Variants in PDCD6IP observed in about 807,000 individuals in gnomAD.
PDCD6IP encodes the protein programmed cell death 6-interacting protein.
A neutral mutation model predicts 103.7 loss-of-function variants in PDCD6IP; 43 were observed. That is an observed-to-expected ratio of 0.41 (90% CI 0.32 to 0.53). The LOEUF is 0.53. PDCD6IP is among the 20% of genes least tolerant of loss of function. The pLI is 0.16. For synonymous variants in PDCD6IP, 354 were observed against 378.7 expected, an observed-to-expected ratio of 0.93 and a Z score of 0.76; for missense variants, 871 against 1,036.7, an observed-to-expected ratio of 0.84 and a Z score of 2.20.
chr3:33,831,814 G>C (rs78975232), intron 7 of PDCD6IP, among the ~76,000 whole-genome samples: 1 of 151,874 alleles, frequency 6.6e-6, no homozygotes, highest in African/African-American at 2.4e-5. Context: ...TCTTACTGAA[G>C]TGGTAGTATG....
At chr3:33,845,824 A>T (rs1481856809) in intron 12 of PDCD6IP, among the ~76,000 whole-genome samples, 1 of 152,222 alleles carries the variant, frequency 6.6e-6, no homozygotes, top group Non-Finnish European at 1.5e-5. Flanking sequence ...TAAATTTTAG[A>T]TACTTCATAG....
chr3:33,807,078 A>G (rs1452806695), intron 1 of PDCD6IP, among the ~76,000 whole-genome samples: 1 of 152,220 alleles, frequency 6.6e-6, no homozygotes, highest in African/African-American at 2.4e-5. Flanking sequence ...TACAGGATAT[A>G]AATGCCCTGT....
intron 7 of PDCD6IP, among the ~76,000 whole-genome samples, chr3:33,833,137 A>T (rs948044128): frequency 6.6e-6 from 1 of 152,200 alleles, no homozygotes; most frequent in East Asian, 1.9e-4. Flanking sequence ...ATAAAGATTT[A>T]AAAAAATTAA....
chr3:33,799,513 C>G (rs1461201890), intron 1 of PDCD6IP: 1 of 152,390 alleles, frequency 6.6e-6, no homozygotes, highest in Non-Finnish European at 1.5e-5. Context: ...AAATAAAACT[C>G]TAGTTACATA....
rs147070072 is a variant in PDCD6IP at position 33,863,744 on chromosome 3, A to G, written c.2121-262A>G. Among the ~76,000 whole-genome samples the G allele has an allele frequency of 4.2e-3, 639 of 152,332 alleles. 4 individuals carry two copies. Among genetic ancestry groups the G allele is most frequent in the African/African-American group, 0.014 (596 of 41,578 alleles). On this transcript the variant is annotated intron_variant, in intron 15 of 17. Transcript: ENST00000307296. ...ATGGGAATACAGATATCTCTTCAGT[A>G]TATGGATATCCTTTCTTTAGGATAT...
At chr3:33,815,004 A>G (rs57897103) in intron 3 of PDCD6IP, among the ~76,000 whole-genome samples, 2,448 of 147,876 alleles carry the variant, frequency 0.017, 63 homozygotes, top group African/African-American at 0.057. Flanking sequence ...TATAGTATAC[A>G]TATACATTAA....
At chr3:33,818,197 T>C (rs1696901787) in intron 3 of PDCD6IP, among the ~76,000 whole-genome samples, 1 of 140,666 alleles carries the variant, frequency 7.1e-6, no homozygotes, top group Non-Finnish European at 1.5e-5. Flanking sequence ...AACCTCTGCC[T>C]CTGAGGTTCA....
Position 33,848,285 on chromosome 3 carries a change from G to A in PDCD6IP, c.1641+2697G>A, listed in dbSNP as rs180852106. Among the ~76,000 whole-genome samples the A allele has an allele frequency of 3.3e-5, 5 of 152,272 alleles. No individual in the cohort carries two copies. The East Asian group carries it at 9.6e-4, about 29-fold the overall frequency. On this transcript the variant is annotated intron_variant, in intron 12 of 17. Coordinates refer to ENST00000307296, the MANE Select transcript of PDCD6IP (RefSeq NM_013374.6). ...CTCCTCTAGGTTACCTTTAGTGTAGGGTAAATGTATCAAGTTTCTGCGTTC... is the reference window on the plus strand; with the variant it reads ...CTCCTCTAGGTTACCTTTAGTGTAGAGTAAATGTATCAAGTTTCTGCGTTC...
chr3:33,811,990 G>A, intron 1 of PDCD6IP, 82 bp from the exon 2 acceptor site: 5 of 1,437,794 alleles, frequency 3.5e-6, no homozygotes, highest in Non-Finnish European at 4.6e-6. Flanking sequence ...AATAATTTTT[G>A]TATCATTTTA....
chr3:33,839,654 A>G (rs1697427319), intron 9 of PDCD6IP, among the ~76,000 whole-genome samples: 1 of 152,238 alleles, frequency 6.6e-6, no homozygotes, highest in Admixed American at 6.5e-5. Flanking sequence ...TGTGGTTAGC[A>G]TATTTAATTT....
At chr3:33,817,227 A>G (rs563627291) in intron 3 of PDCD6IP, among the ~76,000 whole-genome samples, 2 of 152,292 alleles carry the variant, frequency 1.3e-5, no homozygotes, top group African/African-American at 4.8e-5. Flanking sequence ...AACTCAGAGT[A>G]ATTCCTCCTC....
At chr3:33,824,123 C>T (rs1697057407) in intron 4 of PDCD6IP, among the ~76,000 whole-genome samples, 1 of 152,172 alleles carries the variant, frequency 6.6e-6, no homozygotes, top group Non-Finnish European at 1.5e-5. Flanking sequence ...GTTTACTGAA[C>T]AAGTTCAGTT....
intron 6 of PDCD6IP, chr3:33,828,487 G>C (rs11721171): frequency 6.7e-4 from 109 of 162,312 alleles, no homozygotes; most frequent in Admixed American, 1.9e-3. Context: ...CTAAAGCTCT[G>C]TGCTTTGTGT....
intron 9 of PDCD6IP, among the ~76,000 whole-genome samples, chr3:33,841,400 A>AT (rs201496271): frequency 0.078 from 5,568 of 71,390 alleles, 169 homozygotes; most frequent in Middle Eastern, 0.15. Flanking sequence ...TCAATCACTG[A>AT]TTTTTTTTGT....
At chr3:33,813,112 A>C (rs1400965196) in intron 2 of PDCD6IP, among the ~76,000 whole-genome samples, 1 of 152,192 alleles carries the variant, frequency 6.6e-6, no homozygotes, top group Non-Finnish European at 1.5e-5. Context: ...TGTCTGTATA[A>C]CCACCACCTA....
intron 3 of PDCD6IP, among the ~76,000 whole-genome samples, chr3:33,813,851 C>G (rs559845236): frequency 1.1e-4 from 17 of 152,122 alleles, no homozygotes; most frequent in African/African-American, 4.1e-4. Context: ...AACCGATGTA[C>G]TTAGTTTTTG....
chr3:33,798,891 G>A lies in PDCD6IP; in HGVS notation c.163G>A (p.Gly55Ser), dbSNP rs1242344780. 8.4e-6 allele frequency: 13 copies of A among 1,547,776 alleles called. No homozygotes were observed. The highest frequency in any genetic ancestry group is 1.1e-5 in the Non-Finnish European group (13 of 1,144,840). The change falls in exon 1 of 18, where the codon GGT becomes AGT. Residue 55 changes from glycine (G) to serine (S), a missense_variant. By Grantham distance (56) the Gly-to-Ser change is moderately conservative (BLOSUM62 0). Around this residue, in one of 5 missense-constraint regions of PDCD6IP, gnomAD observed 114 missense variants for 106.7 expected, o/e 1.07. Transcript: ENST00000307296. ...CAGCAAGCTGCGCCGCGCCGCAGTC[G>A]GTCGTCCGCTGGACAAGCACGAGGG... ...ELSKLRRAAV[G>S]RPLDKHEGAL... is the part of the protein sequence containing the mutation.
At chr3:33,802,924 T>C (rs1696509408) in intron 1 of PDCD6IP, among the ~76,000 whole-genome samples, 4 of 152,216 alleles carry the variant, frequency 2.6e-5, no homozygotes, top group African/African-American at 9.7e-5. Flanking sequence ...AGGTACCTCA[T>C]GTTTCTTAAT....
At chr3:33,814,144 CT>C (rs79094226) in intron 3 of PDCD6IP, among the ~76,000 whole-genome samples, 29,316 of 136,078 alleles carry the variant, frequency 0.22, 2,835 homozygotes, top group East Asian at 0.39. Flanking sequence ...TCATTGGATT[CT>C]TTTTTTTTTT....
Sources: gnomAD v4.1 joint callset for allele counts (sites outside exome capture counted in the v4.1 genomes callset) on GRCh38, gnomAD v4.1.1 for gene constraint, gnomAD v4.1.1 regional missense constraint, MANE v1.5 for transcripts, NCBI Gene and HGNC (gene_info 2026-07-23, HGNC 2026-07-21) for gene names.